The following RSPO2 variants were observed in gnomAD, a reference collection of about 807,000 sequenced individuals.
RSPO2 encodes the protein R-spondin 2.
Under a neutral mutation model 30.9 loss-of-function variants are expected in RSPO2, and 14 were observed. The ratio of observed to expected loss-of-function variants is 0.45; its 90% confidence interval spans 0.30 to 0.71. The LOEUF is 0.71. RSPO2 is among the 30% of genes least tolerant of loss of function. The pLI is 0.08. For synonymous variants in RSPO2, 107 were observed against 96.4 expected (o/e 1.11, Z -0.64); for missense variants, 264 against 301.9 (o/e 0.87, Z 0.93).
At chr8:107,949,170 C>T (rs184279332) in intron 5 of RSPO2, among the ~76,000 whole-genome samples, 1 of 152,040 alleles carries the variant, frequency 6.6e-6, no homozygotes, top group African/African-American at 2.4e-5. Flanking sequence ...CCCCCTTCCC[C>T]CCAAGTCCCC....
At chr8:107,904,720 G>A (rs1043735765) in intron 5 of RSPO2, among the ~76,000 whole-genome samples, 5 of 152,054 alleles carry the variant, frequency 3.3e-5, no homozygotes, top group Admixed American at 1.3e-4. Context: ...TAGTCTCTAT[G>A]TTTATAGAAT....
At chr8:108,071,649 C>T (rs543954368) in intron 2 of RSPO2, among the ~76,000 whole-genome samples, 3 of 152,288 alleles carry the variant, frequency 2.0e-5, no homozygotes, top group South Asian at 2.1e-4. Context: ...AGTTACCCAA[C>T]CTACAGCTAT....
chr8:107,973,962 CTGTT>C lies in RSPO2; in HGVS notation c.284-13149_284-13146del, dbSNP rs371979328. On this transcript the variant is annotated intron_variant, in intron 3 of 5. Coordinates refer to ENST00000276659, the MANE Select transcript of RSPO2 (RefSeq NM_178565.5). ...AATCGATTGAGACCTGCCTCAGTCA[CTGTT>C]TGGTTTACAACTCATATGAAGATTT... Among the ~76,000 whole-genome samples, 54 of 152,318 alleles carry C rather than the reference CTGTT, an allele frequency of 3.5e-4. 1 individual carries two copies. The East Asian group carries it at 5.6e-3, about 16-fold the overall frequency.
intron 2 of RSPO2, among the ~76,000 whole-genome samples, chr8:108,056,081 G>A (rs1812233179): frequency 1.3e-5 from 2 of 152,142 alleles, no homozygotes; most frequent in African/African-American, 4.8e-5. Context: ...TAAATAATAT[G>A]TAACCTTAAA....
chr8:108,022,631 AAC>A (rs1811090469), intron 2 of RSPO2, among the ~76,000 whole-genome samples: 1 of 152,154 alleles, frequency 6.6e-6, no homozygotes, highest in African/African-American at 2.4e-5. Flanking sequence ...TAAGTTTAAA[AAC>A]ACAGTAGTTG....
intron 2 of RSPO2, among the ~76,000 whole-genome samples, chr8:108,002,939 CA>C (rs1815298050): frequency 6.6e-6 from 1 of 151,370 alleles, no homozygotes; most frequent in Non-Finnish European, 1.5e-5. Context: ...TACTATCATG[CA>C]AAAAAAGTCA....
At chr8:108,039,985 C>A (rs1421617996) in intron 2 of RSPO2, among the ~76,000 whole-genome samples, 2 of 152,066 alleles carry the variant, frequency 1.3e-5, no homozygotes, top group Non-Finnish European at 1.5e-5. Context: ...AGAGAATGAC[C>A]ATGCTGGCAC....
intron 5 of RSPO2, among the ~76,000 whole-genome samples, chr8:107,906,468 C>G (rs1290314008): frequency 6.7e-6 from 1 of 150,206 alleles, no homozygotes; most frequent in Non-Finnish European, 1.5e-5. Flanking sequence ...ATCACTAAAA[C>G]TTATCATAAA....
chr8:108,037,859 C>T (rs770882831), intron 2 of RSPO2, among the ~76,000 whole-genome samples: 6 of 152,112 alleles, frequency 3.9e-5, no homozygotes, highest in Non-Finnish European at 7.4e-5. Flanking sequence ...GTTTTAAGCC[C>T]GCTGTTGAGA....
intron 2 of RSPO2, among the ~76,000 whole-genome samples, chr8:108,015,632 C>T (rs1348293749): frequency 6.6e-6 from 1 of 151,600 alleles, no homozygotes. Flanking sequence ...CACCCCCAAC[C>T]CTTGATATCT....
intron 3 of RSPO2, chr8:107,983,118 T>C: frequency 7.0e-7 from 1 of 1,435,374 alleles, no homozygotes; most frequent in African/African-American, 1.4e-5. Flanking sequence ...CCAGGGTCTA[T>C]GGAAGTAATG....
chr8:108,055,789 TA>T (rs936091243), intron 2 of RSPO2, among the ~76,000 whole-genome samples: 27 of 150,060 alleles, frequency 1.8e-4, no homozygotes, highest in East Asian at 5.9e-4. Flanking sequence ...AACAAGACGT[TA>T]AAAAAAAAAT....
At chr8:108,050,659 T>G (rs780782548) in intron 2 of RSPO2, among the ~76,000 whole-genome samples, 5 of 152,162 alleles carry the variant, frequency 3.3e-5, no homozygotes, top group Non-Finnish European at 7.3e-5. Flanking sequence ...AAGAAATAAG[T>G]TGCAAGCATG....
intron 2 of RSPO2, among the ~76,000 whole-genome samples, chr8:108,075,822 T>C (rs1388595696): frequency 6.6e-6 from 1 of 152,052 alleles, no homozygotes; most frequent in East Asian, 1.9e-4. Flanking sequence ...ACCAAAATAA[T>C]TTTAAGGGAA....
intron 5 of RSPO2, among the ~76,000 whole-genome samples, chr8:107,941,953 GCCA>G (rs1267384140): frequency 6.6e-6 from 1 of 152,130 alleles, no homozygotes; most frequent in Non-Finnish European, 1.5e-5. Context: ...CCACAGAACT[GCCA>G]CCAATTATCT....
At chr8:107,929,808 A>G (rs1812496243) in intron 5 of RSPO2, among the ~76,000 whole-genome samples, 1 of 152,184 alleles carries the variant, frequency 6.6e-6, no homozygotes, top group South Asian at 2.1e-4. Flanking sequence ...GTTTTCTACC[A>G]TGAAGAAAAA....
chr8:107,960,635 A>G lies in RSPO2; in HGVS notation c.427+39T>C, dbSNP rs556349101. Reference sequence around the variant, plus strand: ...ATTTTTAAGAAACAAGTGCTAAAATAAAAGTTGCAGATTGAGAGTTACATT... The same window carrying G: ...ATTTTTAAGAAACAAGTGCTAAAATGAAAGTTGCAGATTGAGAGTTACATT... On this transcript the variant is annotated intron_variant, in intron 4 of 5. Coordinates refer to ENST00000276659, the MANE Select transcript of RSPO2 (RefSeq NM_178565.5). The G allele has an allele frequency of 3.2e-6, 5 of 1,586,676 alleles. No homozygotes were observed. The South Asian group carries it at 5.8e-5, about 18-fold the overall frequency.
At chr8:108,071,736 C>G (rs183819889) in intron 2 of RSPO2, among the ~76,000 whole-genome samples, 1 of 152,282 alleles carries the variant, frequency 6.6e-6, no homozygotes, top group African/African-American at 2.4e-5. Context: ...CCCTTAAACA[C>G]ACACACATCT....
At chr8:108,063,630 C>T (rs1004965869) in intron 2 of RSPO2, among the ~76,000 whole-genome samples, 71 of 151,900 alleles carry the variant, frequency 4.7e-4, no homozygotes, top group Non-Finnish European at 9.8e-4. Context: ...AGATTCAATG[C>T]CATCCCATCA....
Sources: gnomAD v4.1 joint callset for allele counts (sites outside exome capture counted in the v4.1 genomes callset) on GRCh38, gnomAD v4.1.1 for gene constraint, MANE v1.5 for transcripts, NCBI Gene and HGNC (gene_info 2026-07-23, HGNC 2026-07-21) for gene names.